The following PHACTR1 variants were observed in gnomAD, a reference collection of about 807,000 sequenced individuals.
PHACTR1 encodes the protein phosphatase and actin regulator 1.
A neutral mutation model predicts 69.2 loss-of-function variants in PHACTR1; 16 were observed. The ratio of observed to expected loss-of-function variants is 0.23; its 90% confidence interval spans 0.16 to 0.35. The LOEUF (loss-of-function observed/expected upper bound fraction) is 0.35. PHACTR1 is among the 10% of genes least tolerant of loss of function. The probability of loss-of-function intolerance (pLI) is 1.00; values close to 1 mark genes in which losing one functional copy is unlikely to be tolerated. For synonymous variants in PHACTR1, 312 were observed against 284.5 expected (o/e 1.10, Z -0.97); for missense variants, 510 against 734.7 (o/e 0.69, Z 3.54).
intron 5 of PHACTR1, among the ~76,000 whole-genome samples, chr6:13,143,005 AAAGAG>A (rs1822740928): frequency 6.6e-6 from 1 of 152,338 alleles, no homozygotes; most frequent in South Asian, 2.1e-4. Flanking sequence ...GATAATATAA[AAAGAG>A]GAAAGTGCCC....
chr6:13,160,107 C>T (rs1049280088), intron 5 of PHACTR1, 97 bp from the exon 6 acceptor site: 14 of 1,035,096 alleles, frequency 1.4e-5, no homozygotes, highest in African/African-American at 9.5e-5. Flanking sequence ...GAAGCTTTCT[C>T]GTATGTTACA....
intron 4 of PHACTR1, among the ~76,000 whole-genome samples, chr6:12,841,230 A>G (rs1393658489): frequency 1.3e-5 from 2 of 152,224 alleles, no homozygotes; most frequent in Non-Finnish European, 2.9e-5. Flanking sequence ...CACACATTTA[A>G]TAAGCTGTCA....
intron 10 of PHACTR1, 68 bp downstream of exon 10, chr6:13,230,261 T>C (rs1352763136): frequency 6.4e-7 from 1 of 1,558,556 alleles, no homozygotes; most frequent in Non-Finnish European, 8.7e-7. Flanking sequence ...AGCAAAAGAA[T>C]TCAGTCTCGG....
chr6:13,087,369 T>C (rs1812484904), intron 5 of PHACTR1, among the ~76,000 whole-genome samples: 1 of 151,558 alleles, frequency 6.6e-6, no homozygotes, highest in Admixed American at 6.6e-5. Flanking sequence ...CATTTTATTG[T>C]ATAACCATGA....
chr6:13,231,325 A>G (rs1771109572), intron 10 of PHACTR1, among the ~76,000 whole-genome samples: 1 of 288 alleles, frequency 3.5e-3, no homozygotes, highest in East Asian at 0.25. Context: ...GGAGGAAGGA[A>G]AGAAGGAAGG....
intron 4 of PHACTR1, among the ~76,000 whole-genome samples, chr6:13,023,501 C>T (rs1561705693): frequency 6.6e-6 from 1 of 152,196 alleles, no homozygotes; most frequent in Non-Finnish European, 1.5e-5. Context: ...CAATTTTCTT[C>T]TAAACAAGCT....
At chr6:12,789,090 T>C (rs73722844) in intron 4 of PHACTR1, among the ~76,000 whole-genome samples, 10,625 of 152,304 alleles carry the variant, frequency 0.07, 461 homozygotes, top group Admixed American at 0.1. Context: ...ACAATGCCTC[T>C]GCTCTCGTTT....
At chr6:13,164,262 A>G (rs1024695914) in intron 6 of PHACTR1, among the ~76,000 whole-genome samples, 2 of 152,154 alleles carry the variant, frequency 1.3e-5, no homozygotes, top group East Asian at 3.9e-4. Flanking sequence ...ATAGAATTTT[A>G]TTGCCGCAAC....
intron 4 of PHACTR1, among the ~76,000 whole-genome samples, chr6:12,988,363 A>T (rs1476133958): frequency 2.0e-5 from 3 of 152,214 alleles, no homozygotes; most frequent in Non-Finnish European, 2.9e-5. Flanking sequence ...ATCACCAATT[A>T]CCATGGGTAG....
intron 3 of PHACTR1, among the ~76,000 whole-genome samples, chr6:12,723,844 C>T (rs572529394): frequency 1.2e-4 from 18 of 152,258 alleles, no homozygotes; most frequent in African/African-American, 3.6e-4. Flanking sequence ...GGGATAAGCC[C>T]CACACACGGT....
At chr6:12,755,064 A>C (rs1767144548) in intron 4 of PHACTR1, among the ~76,000 whole-genome samples, 1 of 152,228 alleles carries the variant, frequency 6.6e-6, no homozygotes, top group African/African-American at 2.4e-5. Flanking sequence ...AAACAACTTG[A>C]ACACAGAATC....
chr6:13,208,562 TC>T (rs910338378), intron 8 of PHACTR1, among the ~76,000 whole-genome samples: 12 of 152,042 alleles, frequency 7.9e-5, no homozygotes, highest in African/African-American at 2.9e-4. Context: ...CCTCTCCAAG[TC>T]CAGAGATCTT....
Position 13,176,412 on chromosome 6 carries a change from C to T in PHACTR1, c.497-6107C>T, listed in dbSNP as rs1761328081. Among the ~76,000 whole-genome samples the T allele has an allele frequency of 2.0e-5, 3 of 152,184 alleles. No individual in the cohort carries two copies. In the South Asian group the frequency reaches 6.2e-4, roughly 32 times the overall value. ...ACATGGTCATTTCATTTGCATTTCT[C>T]TAATTCCTAGCAAGGTTATGCATTT... On this transcript the variant is annotated intron_variant, in intron 6 of 14. Coordinates refer to ENST00000332995, the MANE Select transcript of PHACTR1 (RefSeq NM_030948.6).
chr6:12,893,585 A>G (rs1477879190), intron 4 of PHACTR1, among the ~76,000 whole-genome samples: 2 of 152,028 alleles, frequency 1.3e-5, no homozygotes, highest in Non-Finnish European at 2.9e-5. Flanking sequence ...GACCTGCTGT[A>G]CCCCTAGCCT....
At chr6:13,189,769 A>T (rs1763264587) in intron 7 of PHACTR1, among the ~76,000 whole-genome samples, 1 of 152,158 alleles carries the variant, frequency 6.6e-6, no homozygotes, top group South Asian at 2.1e-4. Context: ...CTGCTTAAGA[A>T]GTTTGAAAAT....
At chr6:12,890,711 T>C (rs1176673522) in intron 4 of PHACTR1, among the ~76,000 whole-genome samples, 2 of 152,144 alleles carry the variant, frequency 1.3e-5, no homozygotes, top group Non-Finnish European at 2.9e-5. Context: ...TTTACTCAGA[T>C]CTCCCCTTCT....
At chr6:13,216,634 C>A (rs969729412) in intron 8 of PHACTR1, among the ~76,000 whole-genome samples, 1 of 152,146 alleles carries the variant, frequency 6.6e-6, no homozygotes, top group African/African-American at 2.4e-5. Flanking sequence ...TTGTCCTTGC[C>A]CCTTGGAAGC....
At position 13,283,701 on chromosome 6, in the gene PHACTR1, C is replaced by A; in HGVS notation, c.1650+139C>A. 1 of 1,246,666 alleles carries A rather than the reference C, an allele frequency of 8.0e-7. No homozygotes were observed. Among genetic ancestry groups the A allele is most frequent in the Non-Finnish European group, 1.1e-6 (1 of 878,380 alleles). The allele number at this position is 1,246,666 out of a possible 1,614,324, so 77.2% of individuals were successfully genotyped here. A position where few individuals can be genotyped will look rare whatever the true frequency, so the allele number is the denominator to read the frequency against. ...CCATAATGGAGTGTTGAGACCCCAA[C>A]ACCTTTCCCCAGGGGCCACAGATAA... is the stretch of plus-strand genomic sequence containing the variant. On this transcript the variant is annotated intron_variant, in intron 13 of 14. Transcript: ENST00000332995. This position sits in a 1 kb window ranked among gnomAD's most constrained non-coding sequence, Gnocchi z 4.7.
At chr6:12,766,445 C>T (rs1048071416) in intron 4 of PHACTR1, among the ~76,000 whole-genome samples, 7 of 152,236 alleles carry the variant, frequency 4.6e-5, no homozygotes, top group South Asian at 4.1e-4. Flanking sequence ...GAAAAACCCC[C>T]GGAATCTAGA....
Sources: gnomAD v4.1 joint callset for allele counts (sites outside exome capture counted in the v4.1 genomes callset) on GRCh38, gnomAD v4.1.1 for gene constraint, Gnocchi (gnomAD v3.1) non-coding constraint, MANE v1.5 for transcripts, NCBI Gene and HGNC (gene_info 2026-07-23, HGNC 2026-07-21) for gene names.